PRKN: variants seen among roughly 807,000 people sequenced by gnomAD.
The protein encoded by PRKN is parkin RBR E3 ubiquitin protein ligase.
PRKN carries 56 observed loss-of-function variants against 59.5 expected under a neutral mutation model. The ratio of observed to expected loss-of-function variants is 0.94; its 90% CI spans 0.76 to 1.18. The LOEUF (loss-of-function observed/expected upper bound fraction) is 1.18. PRKN is among the 50% of genes most tolerant of loss of function. The pLI, the probability that PRKN is intolerant of heterozygous loss-of-function variation, is 0.00. For missense variants in PRKN, 657 were observed against 596.4 expected (o/e 1.10, Z -1.06); for synonymous variants, 250 against 222.1 (o/e 1.13, Z -1.12).
intron 7 of PRKN, among the ~76,000 whole-genome samples, chr6:161,741,360 T>A (rs1346790305): frequency 2.6e-5 from 4 of 152,070 alleles, no homozygotes; most frequent in Non-Finnish European, 5.9e-5. Context: ...AACAAGACAC[T>A]CGATGAGACA....
chr6:161,835,923 T>C (rs1338002022), intron 6 of PRKN, among the ~76,000 whole-genome samples: 1 of 152,196 alleles, frequency 6.6e-6, no homozygotes. Context: ...CACAGACGCA[T>C]TTTCAGTTGT....
rs892863739 is a variant in PRKN, at chr6:161,538,370, T to C, written c.1083+10484A>G. ...AAAAATTCTTAAATAAATTGGACTT[T>C]AAGAAATCTCCTTCTTAGTCTCTAT... On this transcript the variant is annotated intron_variant, in intron 9 of 11. Transcript: ENST00000366898. This position sits in a 1 kb window ranked among gnomAD's most constrained non-coding sequence, Gnocchi z 4.2. Among the ~76,000 whole-genome samples, 3 of 152,184 alleles carry C rather than the reference T, an allele frequency of 2.0e-5. No homozygotes were observed. Among genetic ancestry groups the C allele is most frequent in the Admixed American group, 2.0e-4 (3 of 15,278 alleles).
chr6:161,732,485 T>TTGTGTGTGTG (rs1554298361), intron 7 of PRKN, among the ~76,000 whole-genome samples: 6 of 146,418 alleles, frequency 4.1e-5, no homozygotes, highest in African/African-American at 1.5e-4. Flanking sequence ...TTTTTTTTTT[T>TTGTGTGTGTG]TGTGTGTGTG....
At chr6:162,439,985 C>T (rs1467443210) in intron 2 of PRKN, among the ~76,000 whole-genome samples, 2 of 152,108 alleles carry the variant, frequency 1.3e-5, no homozygotes, top group Non-Finnish European at 2.9e-5. Context: ...CTCCATGACT[C>T]CACGAGTCAA....
At chr6:162,510,755 C>G (rs1364604464) in intron 1 of PRKN, among the ~76,000 whole-genome samples, 1 of 151,952 alleles carries the variant, frequency 6.6e-6, no homozygotes, top group Admixed American at 6.6e-5. Flanking sequence ...AACCCTGTAT[C>G]TACTAAAAAT....
chr6:161,784,624 G>A (rs187247840), intron 7 of PRKN, among the ~76,000 whole-genome samples: 12 of 152,304 alleles, frequency 7.9e-5, no homozygotes, highest in Non-Finnish European at 4.4e-5. Context: ...AGTAACAAGT[G>A]ACGACAAGAA....
At chr6:162,482,529 AC>A (rs937344817) in intron 1 of PRKN, among the ~76,000 whole-genome samples, 2 of 152,210 alleles carry the variant, frequency 1.3e-5, no homozygotes, top group African/African-American at 4.8e-5. Flanking sequence ...ACGTAAACAA[AC>A]AAAACCAGCA....
rs1002102168 is a variant in PRKN at position 161,377,895 on chromosome 6, C to A, written c.1167+8899G>T. 6.6e-6 allele frequency among the ~76,000 whole-genome samples: 1 copy of A among 152,232 alleles called. No individual in the cohort carries two copies. Among genetic ancestry groups the A allele is most frequent in the South Asian group, 2.1e-4 (1 of 4,810 alleles). On this transcript the variant is annotated intron_variant, in intron 10 of 11. Transcript: ENST00000366898. The surrounding 1 kb of genome is among the most constrained non-coding windows in gnomAD (Gnocchi z 4.2). ...AGTGCATTCATCTTTGACTTCTGAG[C>A]CTCCAGAACTGGAAGGAATAAATGT...
At chr6:161,729,887 A>C (rs1404991560) in intron 7 of PRKN, among the ~76,000 whole-genome samples, 3 of 148,656 alleles carry the variant, frequency 2.0e-5, no homozygotes, top group Non-Finnish European at 4.4e-5. Context: ...GATGTGTTGC[A>C]TATTCTGGCA....
intron 2 of PRKN, among the ~76,000 whole-genome samples, chr6:162,272,725 C>T (rs1384936691): frequency 2.0e-5 from 3 of 151,938 alleles, no homozygotes; most frequent in Non-Finnish European, 2.9e-5. Flanking sequence ...GGGCTGGGTG[C>T]GGTGGCTCAT....
intron 7 of PRKN, among the ~76,000 whole-genome samples, chr6:161,630,206 G>T (rs1783248349): frequency 6.6e-6 from 1 of 152,008 alleles, no homozygotes; most frequent in Admixed American, 6.6e-5. Flanking sequence ...GAGCCTTTAG[G>T]GTCTGAAAAA....
intron 7 of PRKN, among the ~76,000 whole-genome samples, chr6:161,586,342 T>C (rs984719897): frequency 2.0e-5 from 3 of 152,214 alleles, no homozygotes; most frequent in Non-Finnish European, 4.4e-5. Context: ...TGTCACTATA[T>C]TGCCATAGCA....
chr6:162,545,498 G>A (rs1211219050), intron 1 of PRKN, among the ~76,000 whole-genome samples: 2 of 152,154 alleles, frequency 1.3e-5, no homozygotes, highest in East Asian at 3.9e-4. Flanking sequence ...AGCAGCCATG[G>A]CTACATATAA....
At chr6:162,576,194 A>G (rs1358812164) in intron 1 of PRKN, among the ~76,000 whole-genome samples, 4 of 151,954 alleles carry the variant, frequency 2.6e-5, no homozygotes, top group Non-Finnish European at 5.9e-5. Flanking sequence ...GTTCTCTCTC[A>G]CCTATGTACC....
intron 6 of PRKN, among the ~76,000 whole-genome samples, chr6:161,849,889 C>T (rs1397920746): frequency 6.6e-6 from 1 of 152,168 alleles, no homozygotes; most frequent in African/African-American, 2.4e-5. Flanking sequence ...TTATTACCAG[C>T]ACCCCCTTTT....
chr6:161,960,414 G>A (rs901833223), intron 6 of PRKN, among the ~76,000 whole-genome samples: 2 of 152,170 alleles, frequency 1.3e-5, no homozygotes, highest in Non-Finnish European at 2.9e-5. Context: ...GAAAATGAAA[G>A]GGAAGGCAGA....
At chr6:162,096,526 C>G (rs1172149027) in intron 4 of PRKN, among the ~76,000 whole-genome samples, 1 of 152,116 alleles carries the variant, frequency 6.6e-6, no homozygotes, top group Non-Finnish European at 1.5e-5. Context: ...ATTGTAGCTC[C>G]CATAATTCCC....
chr6:162,178,815 T>C lies in PRKN; in HGVS notation c.534+22316A>G, dbSNP rs145579720. 7.4e-3 allele frequency among the ~76,000 whole-genome samples: 1,134 copies of C among 152,300 alleles called. 17 individuals carry two copies. The highest frequency in any genetic ancestry group is 0.026 in the African/African-American group (1,088 of 41,564). On this transcript the variant is annotated intron_variant, in intron 4 of 11. Transcript: ENST00000366898. ...CAGTCCCTGATTCAGCAGCTTTCTA[T>C]CTAGGTGTCTGATTTACTGAATTGC...
intron 1 of PRKN, among the ~76,000 whole-genome samples, chr6:162,704,159 A>G (rs549550286): frequency 6.6e-6 from 1 of 152,304 alleles, no homozygotes; most frequent in South Asian, 2.1e-4. Flanking sequence ...CACTAACACA[A>G]TAGCTGGAGC....
Sources: gnomAD v4.1 joint callset for allele counts (sites outside exome capture counted in the v4.1 genomes callset) on GRCh38, gnomAD v4.1.1 for gene constraint, Gnocchi (gnomAD v3.1) non-coding constraint, MANE v1.5 for transcripts, NCBI Gene and HGNC (gene_info 2026-07-23, HGNC 2026-07-21) for gene names.